Variants in TRIM36 observed in about 807,000 individuals in gnomAD.
TRIM36 encodes the protein E3 ubiquitin-protein ligase TRIM36.
A neutral mutation model predicts 72.4 loss-of-function variants in TRIM36; 42 were observed. The ratio of observed to expected loss-of-function variants is 0.58; its 90% CI spans 0.45 to 0.75. The LOEUF (loss-of-function observed/expected upper bound fraction) is 0.75. TRIM36 is among the 30% of genes least tolerant of loss of function. TRIM36 has a pLI of 0.00. For missense variants in TRIM36, 913 were observed against 857.1 expected (o/e 1.07, Z -0.81); for synonymous variants, 315 against 282.8 (o/e 1.11, Z -1.14).
rs560503964 is a variant in TRIM36 at position 115,175,995 on chromosome 5, G to A, written c.63+3980C>T. Among the ~76,000 whole-genome samples, 377 of 152,138 alleles carry A rather than the reference G, an allele frequency of 2.5e-3. 2 individuals are homozygous for A. The highest frequency in any genetic ancestry group is 8.1e-3 in the African/African-American group (336 of 41,480). The stretch of plus-strand genomic sequence containing the variant: ...CAAAAAATTAGCCGGGCATGGTGGC[G>A]TGTGCCTGTAGTCCCAGCTACTAGG... On this transcript the variant is annotated intron_variant, in intron 1 of 9. Transcript: ENST00000282369.
Position 115,126,863 on chromosome 5 carries a change from ACATAATACAAAG to A in TRIM36, c.1797-18_1797-7del. Reference sequence around the variant, plus strand: ...GCCCACTGTCTTGCTCATATCTGAAACATAATACAAAGCATCTGTATCTTCAACAATAGATCT... The same window carrying A: ...GCCCACTGTCTTGCTCATATCTGAAACATCTGTATCTTCAACAATAGATCT... On this transcript the variant is annotated splice_polypyrimidine_tract_variant and splice_region_variant and intron_variant, in intron 9 of 9. Coordinates refer to ENST00000513154, the MANE Select transcript of TRIM36 (RefSeq NM_001300759.2). 6.3e-7 allele frequency: 1 copy of A among 1,599,614 alleles called. No homozygotes were observed. Among genetic ancestry groups the A allele is most frequent in the Non-Finnish European group, 8.5e-7 (1 of 1,172,808 alleles).
At chr5:115,152,980 A>C (rs1342799482) in intron 2 of TRIM36, among the ~76,000 whole-genome samples, 16 of 152,184 alleles carry the variant, frequency 1.1e-4, no homozygotes. Context: ...CAACAACAAA[A>C]AACAAGGTAC....
At chr5:115,155,801 G>A (rs955700749) in intron 2 of TRIM36, among the ~76,000 whole-genome samples, 2 of 152,106 alleles carry the variant, frequency 1.3e-5, no homozygotes, top group African/African-American at 4.8e-5. Context: ...TATAGTACTG[G>A]AAGTCCTAGC....
rs566267266 is a variant in TRIM36 at position 115,165,366 on chromosome 5, G to A, written c.28-1614C>T. Among the ~76,000 whole-genome samples the A allele has an allele frequency of 2.0e-5, 3 of 152,324 alleles. No homozygotes were observed. In the East Asian group the frequency reaches 5.8e-4, roughly 29 times the overall value. On this transcript the variant is annotated intron_variant, in intron 1 of 9. Coordinates refer to ENST00000513154, the MANE Select transcript of TRIM36 (RefSeq NM_001300759.2). ...AGCTTCGCCCCTGCAGCAGACTTCT[G>A]CCTGGATATCCAGGTGTTTCTGTAC...
intron 9 of TRIM36, 73 bp downstream of exon 9, chr5:115,130,519 G>GT: frequency 2.7e-6 from 4 of 1,500,292 alleles, no homozygotes; most frequent in Non-Finnish European, 3.6e-6. Context: ...TACTCCAAAT[G>GT]TAACAAAGCC....
chr5:115,129,198 G>A (rs1250867342), intron 9 of TRIM36, among the ~76,000 whole-genome samples: 5 of 152,060 alleles, frequency 3.3e-5, no homozygotes, highest in African/African-American at 4.8e-5. Context: ...TGATGTTCTC[G>A]CAACAATGAA....
At chr5:115,154,426 A>T (rs114588468) in intron 2 of TRIM36, among the ~76,000 whole-genome samples, 293 of 152,298 alleles carry the variant, frequency 1.9e-3, no homozygotes, top group Non-Finnish European at 3.6e-3. Flanking sequence ...AAGATTAATA[A>T]AATTGATACA....
At chr5:115,145,193 CAGAAA>C (rs1034988661) in intron 3 of TRIM36, among the ~76,000 whole-genome samples, 30 of 152,128 alleles carry the variant, frequency 2.0e-4, no homozygotes, top group African/African-American at 6.3e-4. Context: ...GCCTCAGTAA[CAGAAA>C]TCTGTTGCTA....
upstream of TRIM36, chr5:115,173,999 C>T (rs1394866042): frequency 6.6e-6 from 1 of 152,152 alleles, no homozygotes; most frequent in Non-Finnish European, 1.5e-5. Flanking sequence ...GGTCAAGATT[C>T]CCCTCTCCAA....
rs1283368860 is a variant in TRIM36, at chr5:115,137,084, C to A, written c.1126G>T (p.Ala376Ser). 6.2e-7 allele frequency: 1 copy of A among 1,610,464 alleles called. No individual in the cohort carries two copies. Among genetic ancestry groups the A allele is most frequent in the Middle Eastern group, 1.8e-4 (1 of 5,710 alleles). ...ATESLKSFRPAAQTSFEDYVV... is the reference protein window; with the variant it reads ...ATESLKSFRPSAQTSFEDYVV... Reference sequence around the variant, plus strand: ...TAGTCTTCAAAAGAAGTCTGAGCTGCAGGTCTAAAGCTCTTCAAAGATTCT... The same window carrying A: ...TAGTCTTCAAAAGAAGTCTGAGCTGAAGGTCTAAAGCTCTTCAAAGATTCT... The change falls in exon 7 of 10, where the codon GCA becomes TCA. Residue 376 changes from alanine (A) to serine (S), a missense_variant. Coordinates refer to ENST00000513154, the MANE Select transcript of TRIM36 (RefSeq NM_001300759.2).
At chr5:115,152,298 A>G (rs899680049) in intron 2 of TRIM36, among the ~76,000 whole-genome samples, 2 of 152,218 alleles carry the variant, frequency 1.3e-5, no homozygotes, top group Non-Finnish European at 2.9e-5. Context: ...AAGTCTTCGA[A>G]CTAACCCAAT....
intron 1 of TRIM36, among the ~76,000 whole-genome samples, chr5:115,166,504 G>C (rs1754783584): frequency 1.3e-5 from 2 of 152,194 alleles, no homozygotes; most frequent in African/African-American, 4.8e-5. Flanking sequence ...AGCTACCCAT[G>C]ACAGGTCTCC....
chr5:115,157,573 A>AAGT (rs1196637059), intron 2 of TRIM36, among the ~76,000 whole-genome samples: 1 of 152,116 alleles, frequency 6.6e-6, no homozygotes. Context: ...TCAAAAAAAA[A>AAGT]AGTACTAAAA....
intron 2 of TRIM36, among the ~76,000 whole-genome samples, chr5:115,158,065 G>T (rs1185669028): frequency 1.3e-5 from 2 of 151,846 alleles, no homozygotes; most frequent in African/African-American, 2.4e-5. Context: ...CACCACTGAA[G>T]AACTTACTCA....
chr5:115,137,360 T>A lies in TRIM36; in HGVS notation c.1085+3A>T, dbSNP rs1035396171. ...TTCTAAAGTTAGAAGTAAAAGAGAA[T>A]ACCTGAGGTGGAGCTGCTTTGCTGT... On this transcript the variant is annotated splice_donor_region_variant and intron_variant, in intron 6 of 9. Coordinates refer to ENST00000513154, the MANE Select transcript of TRIM36 (RefSeq NM_001300759.2). 1.2e-6 allele frequency: 2 copies of A among 1,601,612 alleles called. No individual in the cohort carries two copies. Among genetic ancestry groups the A allele is most frequent in the Non-Finnish European group, 1.7e-6 (2 of 1,176,080 alleles).
At chr5:115,165,466 T>G (rs1754711472) in intron 1 of TRIM36, among the ~76,000 whole-genome samples, 1 of 152,190 alleles carries the variant, frequency 6.6e-6, no homozygotes, top group Admixed American at 6.5e-5. Context: ...CAACACCATG[T>G]GTAAGCCACC....
At chr5:115,146,350 T>C (rs1411706530) in intron 3 of TRIM36, among the ~76,000 whole-genome samples, 1 of 152,184 alleles carries the variant, frequency 6.6e-6, no homozygotes, top group Non-Finnish European at 1.5e-5. Context: ...AAAATGCAAG[T>C]AGATTTTCAT....
chr5:115,168,809 C>A (rs1754925344), intron 1 of TRIM36, among the ~76,000 whole-genome samples: 1 of 152,214 alleles, frequency 6.6e-6, no homozygotes, highest in Admixed American at 6.5e-5. Flanking sequence ...TCCGGGATAT[C>A]CAAAATAGGT....
At chr5:115,177,369 G>T in intron 1 of TRIM36, 1 of 249,248 alleles carries the variant, frequency 4.0e-6, no homozygotes. Context: ...TTAACTCAGT[G>T]GTCTCAACTT....
Sources: allele counts gnomAD v4.1 joint callset (sites outside exome capture counted in the v4.1 genomes callset), GRCh38; gene constraint gnomAD v4.1.1; transcripts MANE v1.5; gene names NCBI Gene and HGNC (gene_info 2026-07-23, HGNC 2026-07-21).